DNAJC5B: variants seen among roughly 807,000 people sequenced by gnomAD.
The protein encoded by DNAJC5B is DnaJ heat shock protein family (Hsp40) member C5 beta.
In DNAJC5B, 23 loss-of-function variants were observed where a neutral mutation model predicts 24.7. The ratio of observed to expected loss-of-function variants is 0.93; its 90% CI spans 0.67 to 1.32. The LOEUF is 1.32. Among genes scored for constraint, DNAJC5B ranks in the 40% most tolerant of loss-of-function variants. The probability of loss-of-function intolerance (pLI) is 0.00; values close to 1 mark genes in which losing one functional copy is unlikely to be tolerated. For missense variants in DNAJC5B, 238 were observed against 240.8 expected (o/e 0.99, Z 0.08); for synonymous variants, 101 against 90.1 (o/e 1.12, Z -0.68).
rs1347400821 is a variant in DNAJC5B, at chr8:66,078,687, G to A, written c.334-1690G>A. ...CTGTGGAGACTGTTAGTGAGGTGGC[G>A]GGTGTTGTAGTTGTTTACAGAGTAA... On this transcript the variant is annotated intron_variant, in intron 4 of 5. Coordinates refer to ENST00000276570, the MANE Select transcript of DNAJC5B (RefSeq NM_033105.6). 3.3e-5 allele frequency among the ~76,000 whole-genome samples: 5 copies of A among 152,136 alleles called. No individual in the cohort carries two copies. In the East Asian group the frequency reaches 5.8e-4, roughly 18 times the overall value.
intron 3 of DNAJC5B, among the ~76,000 whole-genome samples, chr8:66,061,638 C>T (rs906923131): frequency 1.1e-4 from 16 of 148,954 alleles, no homozygotes; most frequent in Non-Finnish European, 1.5e-4. Context: ...TGTGTGTGCG[C>T]GTGTATAAGG....
intron 3 of DNAJC5B, among the ~76,000 whole-genome samples, chr8:66,070,644 C>T (rs994859429): frequency 1.1e-4 from 16 of 152,150 alleles, no homozygotes; most frequent in Non-Finnish European, 2.4e-4. Flanking sequence ...TTTATAGACT[C>T]AATGCTATTC....
intron 3 of DNAJC5B, among the ~76,000 whole-genome samples, chr8:66,071,809 T>C (rs1807356131): frequency 6.6e-6 from 1 of 152,044 alleles, no homozygotes; most frequent in South Asian, 2.1e-4. Context: ...AAAATGTCCA[T>C]CAATAATAGA....
At chr8:66,043,003 A>C (rs1053824815) in intron 1 of DNAJC5B, among the ~76,000 whole-genome samples, 1 of 151,996 alleles carries the variant, frequency 6.6e-6, no homozygotes, top group African/African-American at 2.4e-5. Context: ...AAATCATAGG[A>C]ATTGTTGTCT....
chr8:66,027,599 G>A (rs1012559952), intron 1 of DNAJC5B, among the ~76,000 whole-genome samples: 5 of 152,158 alleles, frequency 3.3e-5, no homozygotes, highest in Admixed American at 1.3e-4. Context: ...GAAAACAGAC[G>A]TTTTAGCCAG....
At chr8:66,027,139 G>A (rs1467539167) in intron 1 of DNAJC5B, among the ~76,000 whole-genome samples, 2 of 152,124 alleles carry the variant, frequency 1.3e-5, no homozygotes, top group East Asian at 3.9e-4. Context: ...GCCCTGTAAG[G>A]GTAAAGGGTA....
chr8:66,032,874 T>C (rs1256326363), intron 1 of DNAJC5B, among the ~76,000 whole-genome samples: 2 of 152,204 alleles, frequency 1.3e-5, no homozygotes, highest in African/African-American at 2.4e-5. Context: ...AAATAAATCT[T>C]GTATAAAAGG....
At chr8:66,059,750 C>G (rs143133389) in intron 3 of DNAJC5B, among the ~76,000 whole-genome samples, 11 of 152,310 alleles carry the variant, frequency 7.2e-5, no homozygotes, top group African/African-American at 2.2e-4. Flanking sequence ...ATGTTGCCAC[C>G]CTGTAGCTGA....
the DNAJC5B span, among the ~76,000 whole-genome samples, chr8:66,016,209 C>T: frequency 2.0e-5 from 3 of 152,170 alleles, no homozygotes; most frequent in East Asian, 5.8e-4. Flanking sequence ...TTATAAGGCA[C>T]TAATCCATTC....
intron 5 of DNAJC5B, among the ~76,000 whole-genome samples, chr8:66,091,352 C>T (rs1456359333): frequency 6.6e-6 from 1 of 152,126 alleles, no homozygotes; most frequent in Non-Finnish European, 1.5e-5. Flanking sequence ...GTTGAGGACA[C>T]TTTCCCACGA....
At chr8:66,022,099 T>C (rs1806140481) in intron 1 of DNAJC5B, among the ~76,000 whole-genome samples, 1 of 152,174 alleles carries the variant, frequency 6.6e-6, no homozygotes, top group Admixed American at 6.5e-5. Context: ...GTTCAAATCT[T>C]GAAAGGCAAA....
intron 1 of DNAJC5B, among the ~76,000 whole-genome samples, chr8:66,037,115 C>G (rs1027818157): frequency 6.6e-6 from 1 of 152,092 alleles, no homozygotes; most frequent in African/African-American, 2.4e-5. Context: ...GGAGGATTCC[C>G]CAGGGAAGGT....
intron 5 of DNAJC5B, among the ~76,000 whole-genome samples, chr8:66,097,427 A>T (rs935413212): frequency 6.6e-6 from 1 of 151,874 alleles, no homozygotes; most frequent in Non-Finnish European, 1.5e-5. Flanking sequence ...CCTATTTCTG[A>T]CTTATACATT....
At chr8:66,044,395 G>T (rs1806681033) in intron 2 of DNAJC5B, among the ~76,000 whole-genome samples, 1 of 152,216 alleles carries the variant, frequency 6.6e-6, no homozygotes, top group Admixed American at 6.5e-5. Flanking sequence ...GTTGTGAAGG[G>T]ACCCTGCCAA....
At chr8:66,035,250 A>G (rs1189513368) in intron 1 of DNAJC5B, among the ~76,000 whole-genome samples, 1 of 152,238 alleles carries the variant, frequency 6.6e-6, no homozygotes, top group East Asian at 1.9e-4. Context: ...CTAGGCATAA[A>G]TAAAATCTCC....
At chr8:66,085,914 A>G (rs1292717723) in intron 5 of DNAJC5B, among the ~76,000 whole-genome samples, 3 of 152,152 alleles carry the variant, frequency 2.0e-5, no homozygotes, top group Non-Finnish European at 4.4e-5. Context: ...TATGTTGAAT[A>G]TTCCAATCCA....
intron 3 of DNAJC5B, among the ~76,000 whole-genome samples, chr8:66,061,627 G>A (rs998573970): frequency 5.9e-5 from 9 of 152,012 alleles, no homozygotes; most frequent in Non-Finnish European, 1.3e-4. Context: ...GTGTGTGTGT[G>A]TGTGTGTGCG....
chr8:66,043,884 T>G lies in DNAJC5B; in HGVS notation c.-18+273T>G, dbSNP rs1336167978. On this transcript the variant is annotated intron_variant, in intron 2 of 5. Transcript: ENST00000276570. ...CTCTGTCACCCAGGCTGGAGTACAG[T>G]GGCGCCATCTCGGATCACTGCAACC... Among the ~76,000 whole-genome samples the G allele has an allele frequency of 2.0e-5, 3 of 149,732 alleles. No individual in the cohort carries two copies. In the East Asian group the frequency reaches 5.9e-4, roughly 29 times the overall value.
intron 3 of DNAJC5B, among the ~76,000 whole-genome samples, chr8:66,055,810 C>T (rs375858843): frequency 1.3e-5 from 2 of 152,074 alleles, no homozygotes; most frequent in African/African-American, 4.8e-5. Flanking sequence ...GGCGTGGTGA[C>T]GCATGCCTGT....
Sources: gnomAD v4.1 joint callset for allele counts (sites outside exome capture counted in the v4.1 genomes callset) on GRCh38, gnomAD v4.1.1 for gene constraint, MANE v1.5 for transcripts, NCBI Gene and HGNC (gene_info 2026-07-23, HGNC 2026-07-21) for gene names.